Variants in ACER3 observed in about 807,000 individuals in gnomAD.
The protein encoded by ACER3 is alkaline ceramidase 3, also known as alkCDase 3.
In ACER3, 16 loss-of-function variants were observed where a neutral mutation model predicts 48.9. The observed-to-expected ratio is 0.33, with a 90% CI of 0.22 to 0.50. The LOEUF is 0.50. ACER3 is among the 20% of genes least tolerant of loss of function. The pLI is 0.98. For missense variants in ACER3, 227 were observed against 326.0 expected (o/e 0.70, Z 2.34); for synonymous variants, 109 against 107.8 (o/e 1.01, Z -0.07).
intron 7 of ACER3, among the ~76,000 whole-genome samples, chr11:77,002,365 A>G (rs927089961): frequency 3.3e-5 from 5 of 152,146 alleles, no homozygotes; most frequent in African/African-American, 1.2e-4. Flanking sequence ...TGATTTTATC[A>G]TACTGTTTTA....
intron 2 of ACER3, among the ~76,000 whole-genome samples, chr11:76,950,417 C>T (rs1410520299): frequency 1.3e-4 from 11 of 83,614 alleles, no homozygotes; most frequent in Non-Finnish European, 1.8e-4. Context: ...ATATAATTTA[C>T]ACATGTAAGT....
rs1949552891 is a variant in ACER3, at chr11:77,026,622, A to C, written c.*6295A>C. On this transcript the variant is annotated 3_prime_UTR_variant, in exon 11 of 11. Coordinates refer to ENST00000532485, the MANE Select transcript of ACER3 (RefSeq NM_018367.7). Reference sequence around the variant, plus strand: ...TACTAGCAACTAACTATTTTCAGGTAATCTCAGTCTGCTTATTCACTTTTT... The same window carrying C: ...TACTAGCAACTAACTATTTTCAGGTCATCTCAGTCTGCTTATTCACTTTTT... 6.6e-6 allele frequency: 1 copy of C among 152,210 alleles called. No individual in the cohort carries two copies. The highest frequency in any genetic ancestry group is 1.5e-5 in the Non-Finnish European group (1 of 68,034). The allele number at this position is 152,210 out of a possible 1,614,324, so 9.4% of individuals were successfully genotyped here. A position where few individuals can be genotyped will look rare whatever the true frequency, so the allele number is the denominator to read the frequency against.
rs1555024046 is a variant in ACER3 at position 77,019,786 on chromosome 11, C to T, written c.750+10C>T. 3 of 1,613,036 alleles carry T rather than the reference C, an allele frequency of 1.9e-6. No homozygotes were observed. The highest frequency in any genetic ancestry group is 1.1e-5 in the South Asian group (1 of 91,052). Reference sequence around the variant, plus strand: ...TAGGCCAAAAGTGAAGGTAAGTCCACTTCCTAGGTCCTGTGTGTGTGTTGG... The same window carrying T: ...TAGGCCAAAAGTGAAGGTAAGTCCATTTCCTAGGTCCTGTGTGTGTGTTGG... On this transcript the variant is annotated intron_variant, in intron 10 of 10. Coordinates refer to ENST00000532485, the MANE Select transcript of ACER3 (RefSeq NM_018367.7).
At chr11:76,948,109 A>C (rs1423344897) in intron 2 of ACER3, among the ~76,000 whole-genome samples, 1 of 152,192 alleles carries the variant, frequency 6.6e-6, no homozygotes, top group Non-Finnish European at 1.5e-5. Context: ...ATAATTGAAT[A>C]ACAAATTATT....
At chr11:76,906,066 G>C (rs962566826) in intron 1 of ACER3, among the ~76,000 whole-genome samples, 23 of 152,216 alleles carry the variant, frequency 1.5e-4, no homozygotes, top group Non-Finnish European at 4.4e-5. Flanking sequence ...CAGGCTGGCT[G>C]CCTTCGCTCA....
intron 2 of ACER3, among the ~76,000 whole-genome samples, chr11:76,931,769 C>T (rs10793210): frequency 0.57 from 86,468 of 151,418 alleles, 27,831 homozygotes; most frequent in Non-Finnish European, 0.74. Context: ...AAAATTCTTT[C>T]CTTTAAGAAT....
chr11:76,943,059 C>T (rs1410076169), intron 2 of ACER3, among the ~76,000 whole-genome samples: 1 of 151,792 alleles, frequency 6.6e-6, no homozygotes, highest in Non-Finnish European at 1.5e-5. Flanking sequence ...TGGATCTTCT[C>T]TCTTCTTGGT....
chr11:76,951,391 T>C (rs1947664953), intron 2 of ACER3, among the ~76,000 whole-genome samples: 1 of 152,216 alleles, frequency 6.6e-6, no homozygotes, highest in African/African-American at 2.4e-5. Flanking sequence ...TGAAACATTT[T>C]AAGAGGCTCA....
At chr11:77,005,751 T>C (rs1388621198) in intron 7 of ACER3, among the ~76,000 whole-genome samples, 1 of 151,876 alleles carries the variant, frequency 6.6e-6, no homozygotes, top group Non-Finnish European at 1.5e-5. Context: ...ACCAGTCATA[T>C]TGGAGTAGGG....
At chr11:77,008,598 T>C (rs1949201913) in intron 7 of ACER3, among the ~76,000 whole-genome samples, 2 of 152,274 alleles carry the variant, frequency 1.3e-5, no homozygotes, top group South Asian at 4.1e-4. Flanking sequence ...GATCCCAGGA[T>C]AGTGCTTACC....
At chr11:76,933,351 A>G (rs541544052) in intron 2 of ACER3, among the ~76,000 whole-genome samples, 1 of 144,252 alleles carries the variant, frequency 6.9e-6, no homozygotes, top group Non-Finnish European at 1.5e-5. Flanking sequence ...GCAAGGTCAT[A>G]GGACAATAGT....
chr11:76,940,356 G>T (rs1947305681), intron 2 of ACER3, among the ~76,000 whole-genome samples: 1 of 152,156 alleles, frequency 6.6e-6, no homozygotes, highest in South Asian at 2.1e-4. Context: ...ATTTAAGGTT[G>T]TATAGGAGTT....
chr11:76,873,599 A>T (rs1945297838), intron 1 of ACER3, among the ~76,000 whole-genome samples: 1 of 152,218 alleles, frequency 6.6e-6, no homozygotes, highest in Non-Finnish European at 1.5e-5. Flanking sequence ...ATCACCTTTT[A>T]GTCTCAAGTC....
At chr11:77,017,940 C>CTTTTTT (rs71043531) in intron 9 of ACER3, among the ~76,000 whole-genome samples, 3 of 75,742 alleles carry the variant, frequency 4.0e-5, no homozygotes, top group Non-Finnish European at 4.7e-5. Context: ...GATCAGTGAT[C>CTTTTTT]TTTTTTTTTT....
intron 1 of ACER3, among the ~76,000 whole-genome samples, chr11:76,921,455 C>A (rs1946684007): frequency 6.6e-6 from 1 of 152,152 alleles, no homozygotes; most frequent in Non-Finnish European, 1.5e-5. Flanking sequence ...TGCAGTTGAT[C>A]CAGTATCTGT....
At chr11:76,888,031 C>T (rs1285849237) in intron 1 of ACER3, among the ~76,000 whole-genome samples, 3 of 151,674 alleles carry the variant, frequency 2.0e-5, no homozygotes, top group Non-Finnish European at 4.4e-5. Context: ...TTGCCCAGGC[C>T]GGTCTTGGCA....
chr11:76,875,107 C>CTTTTT (rs10676364), intron 1 of ACER3, among the ~76,000 whole-genome samples: 23,633 of 77,614 alleles, frequency 0.3, 8,200 homozygotes, highest in Non-Finnish European at 0.48. Context: ...AAAAGCACTT[C>CTTTTT]TTTTTTTTTT....
chr11:76,886,944 C>T (rs1014183731), intron 1 of ACER3, among the ~76,000 whole-genome samples: 1 of 152,176 alleles, frequency 6.6e-6, no homozygotes, highest in South Asian at 2.1e-4. Context: ...TCCCAAAGTG[C>T]TGGGATTACA....
chr11:76,869,108 G>A (rs1945175784), intron 1 of ACER3, among the ~76,000 whole-genome samples: 1 of 152,216 alleles, frequency 6.6e-6, no homozygotes, highest in South Asian at 2.1e-4. Flanking sequence ...TCTGAAGGAA[G>A]GGGGCAGTTC....
Sources: allele counts gnomAD v4.1 joint callset (sites outside exome capture counted in the v4.1 genomes callset), GRCh38; gene constraint gnomAD v4.1.1; transcripts MANE v1.5; gene names NCBI Gene and HGNC (gene_info 2026-07-23, HGNC 2026-07-21).